USF3: variants seen among roughly 807,000 people sequenced by gnomAD.
USF3 encodes upstream transcription factor family member 3.
In USF3, 29 loss-of-function variants were observed where a neutral mutation model predicts 157.5. The observed-to-expected ratio is 0.18, with a 90% confidence interval of 0.14 to 0.25. The LOEUF (loss-of-function observed/expected upper bound fraction) is 0.25. Ranked by LOEUF, USF3 falls within the 10% of genes least tolerant of loss-of-function variation. USF3 has a pLI of 1.00. For synonymous variants in USF3, 893 were observed against 941.4 expected (o/e 0.95, Z 0.94); for missense variants, 2,381 against 2,667.6 (o/e 0.89, Z 2.37).
Position 113,658,243 on chromosome 3 carries a change from C to A in USF3, c.3439G>T (p.Glu1147Ter). ...GCCTGGAGGCCAACTCTCCCCTTCT[C>A]AAGGTTCTCCTGGTCAAAAATAGCT... ...ARAIFDQENLEKGRVGLQADI... is the reference protein window; with the variant it reads ...ARAIFDQENL Residue 1147 changes from glutamate to a stop codon, truncating the protein, a stop_gained, in exon 7 of 7, where the codon GAG becomes TAG. Coordinates refer to ENST00000316407, the MANE Select transcript of USF3 (RefSeq NM_001009899.4). LOFTEE classifies it high-confidence loss of function. The A allele has an allele frequency of 6.2e-7, 1 of 1,614,136 alleles. No individual in the cohort carries two copies. The highest frequency in any genetic ancestry group is 8.5e-7 in the Non-Finnish European group (1 of 1,180,010).
Position 113,655,261 on chromosome 3 carries a change from C to T in USF3, c.6421G>A (p.Glu2141Lys), listed in dbSNP as rs751610573. Reference protein sequence around the residue: ...PNQMFSNPSTEKVNSGSLNNR... With the variant: ...PNQMFSNPSTKKVNSGSLNNR... The stretch of plus-strand genomic sequence containing the variant: ...TTTAAACTTCCACTGTTTACCTTCT[C>T]TGTGCTAGGATTTGAGAACATCTGA... Residue 2141 changes from glutamate to lysine, a missense_variant, in exon 7 of 7, where the codon GAG (glutamate) becomes AAG (lysine). Transcript: ENST00000316407. The T allele has an allele frequency of 6.2e-7, 1 of 1,614,116 alleles. No homozygotes were observed.
intron 4 of USF3, among the ~76,000 whole-genome samples, chr3:113,671,327 A>G (rs995296807): frequency 1.4e-4 from 22 of 152,218 alleles, no homozygotes; most frequent in Non-Finnish European, 2.9e-4. Flanking sequence ...AACAGCTATT[A>G]GCTATGACTT....
At chr3:113,664,271 A>T in intron 6 of USF3, 42 bp downstream of exon 6, 1 of 1,315,696 alleles carries the variant, frequency 7.6e-7, no homozygotes, top group Admixed American at 2.1e-5. Flanking sequence ...ACACCTAAAC[A>T]TTTTAAAATA....
intron 1 of USF3, among the ~76,000 whole-genome samples, chr3:113,694,856 C>T (rs1169700109): frequency 6.6e-6 from 1 of 152,276 alleles, no homozygotes; most frequent in Non-Finnish European, 1.5e-5. Flanking sequence ...ACCAGCCTGG[C>T]CAACATGGAG....
At chr3:113,667,079 T>C (rs1025138112) in intron 5 of USF3, among the ~76,000 whole-genome samples, 1 of 151,548 alleles carries the variant, frequency 6.6e-6, no homozygotes, top group Non-Finnish European at 1.5e-5. Context: ...TCTTTTCATG[T>C]AGGAATCACT....
At position 113,676,864 on chromosome 3, in the gene USF3, G is replaced by A. The variant is rs116480573; in HGVS notation, c.-19+418C>T. 6.9e-3 allele frequency among the ~76,000 whole-genome samples: 1,055 copies of A among 152,268 alleles called. 16 individuals carry two copies. The highest frequency in any genetic ancestry group is 0.024 in the African/African-American group (986 of 41,540). ...GAATCTCAGATGCTTCATCTACACC[G>A]TGAATCATAATAACAGTATTACATT... On this transcript the variant is annotated intron_variant, in intron 2 of 6. Transcript: ENST00000316407.
chr3:113,670,199 C>T lies in USF3; in HGVS notation c.81G>A (p.Glu27=). The T allele has an allele frequency of 1.2e-6, 2 of 1,601,840 alleles. No individual in the cohort carries two copies. Among genetic ancestry groups the T allele is most frequent in the Non-Finnish European group, 1.7e-6 (2 of 1,168,714 alleles). The change falls in exon 5 of 7, where the codon GAG becomes GAA. Residue 27 remains glutamate (E), a synonymous_variant. Transcript: ENST00000316407. Reference sequence around the variant, plus strand: ...CATTAATTTTCTTCTTTCTATGCCTCTCCACTAGATGGGAGAAAATTCGTT... The same window carrying T: ...CATTAATTTTCTTCTTTCTATGCCTTTCCACTAGATGGGAGAAAATTCGTT... ...KKNRETHNAV[E]RHRKKKINAG...
Position 113,658,321 on chromosome 3 carries a change from A to G in USF3, c.3361T>C (p.Cys1121Arg), listed in dbSNP as rs2107921861. 1.2e-6 allele frequency: 2 copies of G among 1,614,180 alleles called. No homozygotes were observed. The highest frequency in any genetic ancestry group is 3.3e-4 in the Middle Eastern group (2 of 6,062). Residue 1121 changes from cysteine (C) to arginine (R), a missense_variant, in exon 7 of 7, where the codon TGT becomes CGT. Around this residue, in one of 6 missense-constraint regions of USF3, gnomAD observed 1,435 missense variants for 1,550.9 expected, o/e 0.93. Coordinates refer to ENST00000316407, the MANE Select transcript of USF3 (RefSeq NM_001009899.4). The stretch of plus-strand genomic sequence containing the variant: ...TGCTCTACAAAGGTACAGCTGTCAC[A>G]TGTATTAGTTGTTGCATTGCTGGTC... ...DVTSNATTNTCDSCTFVEQTD... is the reference protein window; with the variant it reads ...DVTSNATTNTRDSCTFVEQTD...
rs776500593 is a variant in USF3, at chr3:113,655,637, A to G, written c.6045T>C (p.Pro2015=). ...TVFDPSLPHL[P]LSTGGSMILG... ...GAATCATACTGCCACCAGTAGAGAG[A>G]GGAAGATGGGGAAGACTTGGATCAA... The change falls in exon 7 of 7, where the codon CCT becomes CCC. Residue 2015 remains proline (P), a synonymous_variant. Transcript: ENST00000316407. The G allele has an allele frequency of 2.5e-6, 4 of 1,613,824 alleles. No homozygotes were observed. Among genetic ancestry groups the G allele is most frequent in the Non-Finnish European group, 3.4e-6 (4 of 1,179,736 alleles).
intron 1 of USF3, among the ~76,000 whole-genome samples, chr3:113,688,247 T>A (rs1336576742): frequency 6.6e-6 from 1 of 152,172 alleles, no homozygotes; most frequent in East Asian, 1.9e-4. Context: ...GCCTCCCTAG[T>A]AGCTGGGATT....
At chr3:113,684,107 T>G (rs1301536437) in intron 1 of USF3, among the ~76,000 whole-genome samples, 1 of 152,192 alleles carries the variant, frequency 6.6e-6, no homozygotes, top group Non-Finnish European at 1.5e-5. Context: ...ATATTTGAAG[T>G]GTATTTTCAC....
In USF3 at chr3:113,660,788, A is replaced by C; in HGVS notation, c.894T>G (p.Pro298=). Residue 298 remains proline (P), a synonymous_variant, in exon 7 of 7, where the codon CCT becomes CCG. Coordinates refer to ENST00000316407, the MANE Select transcript of USF3 (RefSeq NM_001009899.4). The part of the protein sequence containing the change: ...ENPKVLKKMT[P]CVTNIPHSSS... ...AGCTGTGGGGGATGTTTGTAACACAAGGGGTCATTTTCTTCAATACTTTGG... is the reference window on the plus strand; with the variant it reads ...AGCTGTGGGGGATGTTTGTAACACACGGGGTCATTTTCTTCAATACTTTGG... The C allele has an allele frequency of 1.9e-6, 3 of 1,614,174 alleles. No individual in the cohort carries two copies. Among genetic ancestry groups the C allele is most frequent in the Non-Finnish European group, 2.5e-6 (3 of 1,180,012 alleles).
rs778471296 is a variant in USF3, at chr3:113,655,606, G to A, written c.6076C>T (p.Arg2026Cys). 9.9e-6 allele frequency: 16 copies of A among 1,613,940 alleles called. No individual in the cohort carries two copies. Among genetic ancestry groups the A allele is most frequent in the East Asian group, 2.2e-5 (1 of 44,898 alleles). The part of the protein sequence containing the change: ...LSTGGSMILG[R>C]QQPATEKRGS... ...CTCTTCTCTGTGGCAGGTTGTTGACGTCCAAGAATCATACTGCCACCAGTA... is the reference window on the plus strand; with the variant it reads ...CTCTTCTCTGTGGCAGGTTGTTGACATCCAAGAATCATACTGCCACCAGTA... The change falls in exon 7 of 7, where the codon CGT (arginine) becomes TGT (cysteine). Residue 2026 changes from arginine to cysteine, a missense_variant. By Grantham distance (180) the Arg-to-Cys change is radical. Coordinates refer to ENST00000316407, the MANE Select transcript of USF3 (RefSeq NM_001009899.4).
intron 1 of USF3, among the ~76,000 whole-genome samples, chr3:113,688,087 C>T (rs2107961244): frequency 6.6e-6 from 1 of 152,228 alleles, no homozygotes; most frequent in East Asian, 1.9e-4. Context: ...TACTGAATGG[C>T]CCTGAGTGCC....
chr3:113,679,974 G>A (rs895313776), intron 1 of USF3, among the ~76,000 whole-genome samples: 12 of 146,658 alleles, frequency 8.2e-5, no homozygotes, highest in South Asian at 2.1e-4. Context: ...ACAGAGTTTC[G>A]CTCTTTTTGC....
chr3:113,694,390 T>C (rs1412597263), intron 1 of USF3, among the ~76,000 whole-genome samples: 2 of 152,220 alleles, frequency 1.3e-5, no homozygotes, highest in Non-Finnish European at 2.9e-5. Context: ...GAGTGTAAGG[T>C]CTACAACCTT....
In USF3 at chr3:113,660,526, T is replaced by A. The variant is rs759945257; in HGVS notation, c.1156A>T (p.Ile386Leu). 2 of 1,614,164 alleles carry A rather than the reference T, an allele frequency of 1.2e-6. No homozygotes were observed. Among genetic ancestry groups the A allele is most frequent in the Admixed American group, 3.3e-5 (2 of 60,024 alleles). Reference sequence around the variant, plus strand: ...AAAGGGTTTCCCGAAAGAGTGCTTATAGGAATGGTGGCCTTCCCTACTCCA... The same window carrying A: ...AAAGGGTTTCCCGAAAGAGTGCTTAAAGGAATGGTGGCCTTCCCTACTCCA... The part of the protein sequence containing the change: ...APGVGKATIP[I>L]STLSGNPLDN... The change falls in exon 7 of 7, where the codon ATA (isoleucine) becomes TTA (leucine). Residue 386 changes from isoleucine (I) to leucine (L), a missense_variant. Ile to Leu is a conservative substitution (Grantham distance 5, BLOSUM62 2). This residue lies in a region of USF3 where 1,435 missense variants were observed against 1,550.9 expected (regional missense o/e 0.93). Transcript: ENST00000316407.
At position 113,648,409 on chromosome 3, in the gene USF3, TATTTTCTTAA is replaced by T. The variant is rs1218549020; in HGVS notation, c.*6525_*6534del. ...ATTTACAATGCAAAAATGCAAAGTT[TATTTTCTTAA>T]ATAAAATACTATATTCATATCTATA... On this transcript the variant is annotated 3_prime_UTR_variant, in exon 7 of 7. Coordinates refer to ENST00000316407, the MANE Select transcript of USF3 (RefSeq NM_001009899.4). 6.5e-6 allele frequency: 1 copy of T among 152,684 alleles called. No homozygotes were observed. Among genetic ancestry groups the T allele is most frequent in the East Asian group, 1.9e-4 (1 of 5,206 alleles). 9.5% of individuals were successfully genotyped at this position (152,684 alleles called of 1,614,324 possible).
Position 113,664,276 on chromosome 3 carries a change from A to T in USF3, c.256+37T>A, listed in dbSNP as rs766878140. 8.2e-6 allele frequency: 11 copies of T among 1,340,714 alleles called. No individual in the cohort carries two copies. In the South Asian group the frequency reaches 1.3e-4, roughly 15 times the overall value. 83.1% of individuals were successfully genotyped at this position (1,340,714 alleles called of 1,614,324 possible). A position where few individuals can be genotyped will look rare whatever the true frequency, so the allele number is the denominator to read the frequency against. ...TGTGACACAAACACCTAAACATTTT[A>T]AAATACAACAAAAAGTAAGAACTTT... On this transcript the variant is annotated intron_variant, in intron 6 of 6. Coordinates refer to ENST00000316407, the MANE Select transcript of USF3 (RefSeq NM_001009899.4).
Sources: allele counts gnomAD v4.1 joint callset (sites outside exome capture counted in the v4.1 genomes callset), GRCh38; gene constraint gnomAD v4.1.1; regional missense constraint gnomAD v4.1.1; transcripts MANE v1.5; gene names NCBI Gene and HGNC (gene_info 2026-07-23, HGNC 2026-07-21).